The following ELF1 variants were observed in gnomAD, a reference collection of about 807,000 sequenced individuals.
The protein encoded by ELF1 is E74 like ETS transcription factor 1.
In ELF1, 24 loss-of-function variants were observed where a neutral mutation model predicts 59.9. That is an observed-to-expected ratio of 0.40 (90% CI 0.29 to 0.56). The LOEUF (loss-of-function observed/expected upper bound fraction) is 0.56. Among genes scored for constraint, ELF1 ranks in the 20% least tolerant of loss-of-function variants. The pLI, the probability that ELF1 is intolerant of heterozygous loss-of-function variation, is 0.44. For missense variants in ELF1, 627 were observed against 742.2 expected (o/e 0.84, Z 1.80); for synonymous variants, 248 against 266.2 (o/e 0.93, Z 0.67).
chr13:40,957,296 G>A (rs1286048296), intron 3 of ELF1, among the ~76,000 whole-genome samples: 66 of 131,658 alleles, frequency 5.0e-4, no homozygotes, highest in Non-Finnish European at 9.3e-4. Context: ...GATCTTCCAG[G>A]AATTTGCTTC....
intron 1 of ELF1, among the ~76,000 whole-genome samples, chr13:41,049,268 T>C (rs1876988040): frequency 6.6e-6 from 1 of 152,184 alleles, no homozygotes; most frequent in Admixed American, 6.5e-5. Flanking sequence ...GACAATTCTC[T>C]TAAGTTCACC....
At chr13:41,060,544 C>G (rs982168074) in intron 1 of ELF1, among the ~76,000 whole-genome samples, 11 of 152,264 alleles carry the variant, frequency 7.2e-5, no homozygotes, top group Middle Eastern at 3.4e-3. Context: ...GAAGCGCATT[C>G]GCTTCTCCAG....
At chr13:40,964,050 C>A (rs1399486724) in intron 2 of ELF1, among the ~76,000 whole-genome samples, 1 of 152,122 alleles carries the variant, frequency 6.6e-6, no homozygotes, top group East Asian at 1.9e-4. Flanking sequence ...AAAATGCACA[C>A]TCCTGAAACT....
In ELF1 at chr13:40,976,173, G is replaced by T. The variant is rs74474912; in HGVS notation, c.72+5810C>A. Among the ~76,000 whole-genome samples the T allele has an allele frequency of 1.2e-4, 18 of 152,258 alleles. No individual in the cohort carries two copies. In the East Asian group the frequency reaches 3.3e-3, roughly 28 times the overall value. ...GGAGATCATTTCTGAGCAAACAGTGGGGAAGCAGGAAAGCATTCTGGAAAA... is the reference window on the plus strand; with the variant it reads ...GGAGATCATTTCTGAGCAAACAGTGTGGAAGCAGGAAAGCATTCTGGAAAA... On this transcript the variant is annotated intron_variant, in intron 2 of 8. Coordinates refer to ENST00000239882, the MANE Select transcript of ELF1 (RefSeq NM_172373.4).
chr13:41,054,258 A>C (rs920293322), intron 1 of ELF1, among the ~76,000 whole-genome samples: 4 of 152,232 alleles, frequency 2.6e-5, no homozygotes, highest in Non-Finnish European at 5.9e-5. Flanking sequence ...CTCAGAAAAA[A>C]TTCAGAGAAA....
At chr13:40,949,470 C>T (rs1035988272) in intron 5 of ELF1, among the ~76,000 whole-genome samples, 2 of 152,010 alleles carry the variant, frequency 1.3e-5, no homozygotes, top group African/African-American at 2.4e-5. Context: ...GGATCCTCCA[C>T]CTTGGCCTCC....
intron 1 of ELF1, among the ~76,000 whole-genome samples, chr13:41,040,782 T>G (rs1876574748): frequency 6.6e-6 from 1 of 152,162 alleles, no homozygotes; most frequent in Admixed American, 6.5e-5. Flanking sequence ...TCTGCAGGCC[T>G]GAGGGGGCTG....
intron 1 of ELF1, among the ~76,000 whole-genome samples, chr13:40,991,617 T>G (rs550378554): frequency 6.6e-6 from 1 of 150,586 alleles, no homozygotes; most frequent in Non-Finnish European, 1.5e-5. Context: ...CATTGTAAAA[T>G]TGTTAAAGAA....
At chr13:40,940,386 G>GGAAA (rs1491198697) in intron 8 of ELF1, among the ~76,000 whole-genome samples, 2 of 109,896 alleles carry the variant, frequency 1.8e-5, no homozygotes, top group African/African-American at 9.7e-5. Flanking sequence ...TGATTTAACT[G>GGAAA]AAAAAAAAAA....
chr13:40,996,692 T>C (rs1488079928), intron 1 of ELF1, among the ~76,000 whole-genome samples: 2 of 152,308 alleles, frequency 1.3e-5, no homozygotes, highest in African/African-American at 2.4e-5. Flanking sequence ...GGGGAGGCTA[T>C]GCATGTGCAG....
intron 1 of ELF1, among the ~76,000 whole-genome samples, chr13:41,056,113 A>G (rs1312984463): frequency 1.3e-5 from 2 of 152,226 alleles, no homozygotes; most frequent in African/African-American, 2.4e-5. Context: ...AATCTATTTC[A>G]GGACTTTCAA....
intron 4 of ELF1, 145 bp downstream of exon 4, chr13:40,951,184 G>A: frequency 1.8e-6 from 1 of 567,950 alleles, no homozygotes; most frequent in Non-Finnish European, 2.8e-6. Context: ...TTTTGCAAAG[G>A]CACCTCAATT....
At chr13:41,000,936 A>G (rs897257309) in intron 1 of ELF1, among the ~76,000 whole-genome samples, 3 of 152,142 alleles carry the variant, frequency 2.0e-5, no homozygotes, top group African/African-American at 7.2e-5. Flanking sequence ...TGCAATCTGT[A>G]TCAACATACC....
chr13:41,039,792 T>C (rs1263238645), intron 1 of ELF1, among the ~76,000 whole-genome samples: 2 of 152,164 alleles, frequency 1.3e-5, no homozygotes, highest in Non-Finnish European at 2.9e-5. Context: ...CATTATAAAA[T>C]TTCAACTTTG....
At chr13:40,982,696 A>G (rs543302661) in intron 1 of ELF1, among the ~76,000 whole-genome samples, 3 of 152,326 alleles carry the variant, frequency 2.0e-5, no homozygotes, top group Non-Finnish European at 2.9e-5. Flanking sequence ...CACAACGTAT[A>G]TATTTTCACC....
chr13:41,023,464 GA>G (rs1875765222), upstream of ELF1, among the ~76,000 whole-genome samples: 1 of 152,138 alleles, frequency 6.6e-6, no homozygotes, highest in Non-Finnish European at 1.5e-5. Context: ...TATTTAAATA[GA>G]AAAATAAAAT....
intron 2 of ELF1, among the ~76,000 whole-genome samples, chr13:40,975,722 T>C (rs929631142): frequency 2.0e-5 from 3 of 152,220 alleles, no homozygotes; most frequent in Admixed American, 6.5e-5. Flanking sequence ...GGGCAAGGTA[T>C]CACCCTCTCA....
At chr13:40,936,554 C>A (rs534764225) in intron 8 of ELF1, among the ~76,000 whole-genome samples, 6 of 151,934 alleles carry the variant, frequency 3.9e-5, no homozygotes, top group Non-Finnish European at 7.4e-5. Context: ...GAGTTCAAGA[C>A]GGCCTGGTCA....
intron 2 of ELF1, among the ~76,000 whole-genome samples, chr13:40,966,440 T>C (rs1438690953): frequency 6.6e-6 from 1 of 152,214 alleles, no homozygotes; most frequent in Admixed American, 6.5e-5. Context: ...AGAGTCACAG[T>C]TCCCCAAATT....
Sources: allele counts gnomAD v4.1 joint callset (sites outside exome capture counted in the v4.1 genomes callset), GRCh38; gene constraint gnomAD v4.1.1; transcripts MANE v1.5; gene names NCBI Gene and HGNC (gene_info 2026-07-23, HGNC 2026-07-21).